Variants in SPTAN1 observed in about 807,000 individuals in gnomAD.
SPTAN1 encodes spectrin alpha, non-erythrocytic 1, also known as spectrin alpha chain, non-erythrocytic 1.
In SPTAN1, 61 loss-of-function variants were observed where a neutral mutation model predicts 331.3. The observed-to-expected ratio is 0.18, with a 90% CI of 0.15 to 0.23. The LOEUF (loss-of-function observed/expected upper bound fraction) is 0.23. Ranked by LOEUF, SPTAN1 falls within the 10% of genes least tolerant of loss-of-function variation. SPTAN1 has a pLI of 1.00. For synonymous variants in SPTAN1, 1,153 were observed against 1,173.9 expected, an observed-to-expected ratio of 0.98 and a Z score of 0.36; for missense variants, 2,043 against 3,147.9, an observed-to-expected ratio of 0.65 and a Z score of 8.40.
chr9:128,630,234 G>C lies in SPTAN1; in HGVS notation c.6708-87G>C, dbSNP rs371874064. On this transcript the variant is annotated intron_variant, in intron 51 of 56. Transcript: ENST00000372739. The stretch of plus-strand genomic sequence containing the variant: ...CCTTAAAAGGAATGTGAGGTTGCCA[G>C]GCATTGCTCTCTCTGAGAGAAGGTT... 2.8e-6 allele frequency: 4 copies of C among 1,425,918 alleles called. No homozygotes were observed. In the East Asian group the frequency reaches 6.8e-5, roughly 24 times the overall value. The allele number at this position is 1,425,918 out of a possible 1,614,324, so 88.3% of individuals were successfully genotyped here. A position where few individuals can be genotyped will look rare whatever the true frequency, so the allele number is the denominator to read the frequency against.
At chr9:128,601,556 T>C (rs1855155609) in intron 27 of SPTAN1, among the ~76,000 whole-genome samples, 1 of 144,396 alleles carries the variant, frequency 6.9e-6, no homozygotes, top group African/African-American at 2.6e-5. Context: ...ACCCCGGCTC[T>C]ACAAATAAAA....
chr9:128,591,397 TGTGTGTATACAC>T, intron 21 of SPTAN1, 68 bp from the exon 22 acceptor site: 1 of 1,584,940 alleles, frequency 6.3e-7, no homozygotes, highest in Non-Finnish European at 8.7e-7. Context: ...CGCTCTCGTG[TGTGTGTATACAC>T]GTGACCTCCT....
chr9:128,615,929 G>T, intron 41 of SPTAN1, 89 bp downstream of exon 41: 1 of 1,425,940 alleles, frequency 7.0e-7, no homozygotes, highest in Non-Finnish European at 9.8e-7. Context: ...GGTGAGGCTG[G>T]AAACCCTGCT....
intron 49 of SPTAN1, 174 bp downstream of exon 49, chr9:128,626,861 C>A: frequency 1.3e-6 from 1 of 761,416 alleles, no homozygotes; most frequent in Non-Finnish European, 2.2e-6. Flanking sequence ...GTCACCCAGG[C>A]TTCAGTGCAG....
intron 1 of SPTAN1, among the ~76,000 whole-genome samples, chr9:128,563,929 C>T (rs1052557539): frequency 2.6e-5 from 4 of 151,920 alleles, no homozygotes; most frequent in South Asian, 4.1e-4. Context: ...TGAGCCATGG[C>T]GCCCGGCCTA....
At chr9:128,609,503 TA>T in intron 36 of SPTAN1, 147 bp from the exon 37 acceptor site, 1 of 948,848 alleles carries the variant, frequency 1.1e-6, no homozygotes, top group Non-Finnish European at 1.6e-6. Context: ...TCTGCTGTAA[TA>T]AAAGTCTATA....
chr9:128,604,174 A>G, intron 28 of SPTAN1, 152 bp from the exon 29 acceptor site: 1 of 840,818 alleles, frequency 1.2e-6, no homozygotes, highest in Non-Finnish European at 2.0e-6. Flanking sequence ...TTACTGGAAT[A>G]TTGTATACTA....
Position 128,602,317 on chromosome 9 carries a change from A to G in SPTAN1, c.3580-1226A>G, listed in dbSNP as rs536386915. ...CTGCAACCTCTGCCTCCTGGGTTCA[A>G]GCAATTCTCCCACCTCAGCCTCCCG... is the stretch of plus-strand genomic sequence containing the variant. On this transcript the variant is annotated intron_variant, in intron 27 of 56. Transcript: ENST00000372739. Among the ~76,000 whole-genome samples the G allele has an allele frequency of 5.3e-5, 8 of 151,478 alleles. No homozygotes were observed. The East Asian group carries it at 1.6e-3, about 29-fold the overall frequency.
chr9:128,599,050 TC>T (rs1854697654), intron 26 of SPTAN1, 64 bp downstream of exon 26: 1 of 1,508,868 alleles, frequency 6.6e-7, no homozygotes, highest in Non-Finnish European at 9.2e-7. Flanking sequence ...GGGAAGAATA[TC>T]AAGCCAAGAA....
intron 44 of SPTAN1, 89 bp downstream of exon 44, chr9:128,619,092 T>C: frequency 1.3e-6 from 2 of 1,538,150 alleles, no homozygotes; most frequent in Non-Finnish European, 1.8e-6. Context: ...TAGAGGGCCC[T>C]GCTCTTACTA....
At chr9:128,585,035 G>C (rs1180263920) in intron 18 of SPTAN1, among the ~76,000 whole-genome samples, 192 bp downstream of exon 18, 1 of 133,628 alleles carries the variant, frequency 7.5e-6, no homozygotes, top group Non-Finnish European at 1.5e-5. Flanking sequence ...TTTTTTTTGA[G>C]ACGGGGTCTC....
chr9:128,584,116 C>A, intron 16 of SPTAN1, 147 bp downstream of exon 16: 1 of 1,441,826 alleles, frequency 6.9e-7, no homozygotes, highest in Non-Finnish European at 9.6e-7. Flanking sequence ...TGTGCTTCTG[C>A]TCAAATTAAA....
In SPTAN1 at chr9:128,575,358, G is replaced by A. The variant is rs200409897; in HGVS notation, c.651+13G>A. ...CAAACTCATACAGGTAAATAGCAAA[G>A]TGCTGTATGCTTCTCACAACATTAT... On this transcript the variant is annotated intron_variant, in intron 5 of 56. Coordinates refer to ENST00000372739, the MANE Select transcript of SPTAN1 (RefSeq NM_001130438.3). 113 of 1,608,904 alleles carry A rather than the reference G, an allele frequency of 7.0e-5. No homozygotes were observed. The highest frequency in any genetic ancestry group is 9.3e-5 in the Non-Finnish European group (110 of 1,179,878).
chr9:128,597,712 G>A (rs1348930278), intron 24 of SPTAN1, among the ~76,000 whole-genome samples: 2 of 152,162 alleles, frequency 1.3e-5, no homozygotes, highest in Non-Finnish European at 2.9e-5. Flanking sequence ...GCAGTGGCAC[G>A]ATTTTGGCTC....
Position 128,577,398 on chromosome 9 carries a change from C to T in SPTAN1, c.977C>T (p.Pro326Leu), listed in dbSNP as rs768104125. The T allele has an allele frequency of 2.5e-6, 4 of 1,614,200 alleles. No individual in the cohort carries two copies. Among genetic ancestry groups the T allele is most frequent in the Non-Finnish European group, 3.4e-6 (4 of 1,180,028 alleles). Residue 326 changes from proline (P) to leucine (L), a missense_variant, in exon 8 of 57, where the codon CCT becomes CTT. Around this residue, in one of 12 missense-constraint regions of SPTAN1, gnomAD observed 1,038 missense variants for 1,531.5 expected, o/e 0.68. Transcript: ENST00000372739. This position sits in a 1 kb window ranked among gnomAD's most constrained non-coding sequence, Gnocchi z 4.2. ...AEADRLQQSHPLSATQIQVKR... is the reference protein window; with the variant it reads ...AEADRLQQSHLLSATQIQVKR... ...GCTGACCGCCTGCAACAGTCCCACC[C>T]TCTGAGTGCAACACAGATTCAAGTG...
At chr9:128,609,588 A>G (rs908289143) in intron 36 of SPTAN1, 63 bp from the exon 37 acceptor site, 5 of 1,361,384 alleles carry the variant, frequency 3.7e-6, no homozygotes, top group Non-Finnish European at 5.0e-6. Flanking sequence ...TTTCTATTTA[A>G]TAGCTGATAT....
Position 128,632,577 on chromosome 9 carries a change from T to A in SPTAN1, c.7019T>A (p.Phe2340Tyr). Reference protein sequence around the residue: ...LKEFSMMFKHFDKDKSGRLNH... With the variant: ...LKEFSMMFKHYDKDKSGRLNH... Reference sequence around the variant, plus strand: ...CCCTCGGCTTTGTGCTGCAGACACTTTGACAAGGACAAGTCTGGCAGGCTG... The same window carrying A: ...CCCTCGGCTTTGTGCTGCAGACACTATGACAAGGACAAGTCTGGCAGGCTG... Residue 2340 changes from phenylalanine (F) to tyrosine (Y), a missense_variant, in exon 55 of 57, where the codon TTT becomes TAT. By Grantham distance (22) the Phe-to-Tyr change is conservative. Coordinates refer to ENST00000372739, the MANE Select transcript of SPTAN1 (RefSeq NM_001130438.3). The A allele has an allele frequency of 6.2e-7, 1 of 1,614,088 alleles. No homozygotes were observed. The highest frequency in any genetic ancestry group is 8.5e-7 in the Non-Finnish European group (1 of 1,180,040).
In SPTAN1 at chr9:128,587,689, G is replaced by A; in HGVS notation, c.2862G>A (p.Gln954=). ...TCCAGGCTTTGCGAGAACAAGCACA[G>A]TCCTGCCGGGTAAACTTGTAACAGT... The part of the protein sequence containing the change: ...SSIQALREQA[Q]SCRQQVAPTD... The change falls in exon 20 of 57, where the codon CAG becomes CAA. Residue 954 remains glutamine, a synonymous_variant. Transcript: ENST00000372739. 1 of 1,614,052 alleles carries A rather than the reference G, an allele frequency of 6.2e-7. No individual in the cohort carries two copies. Among genetic ancestry groups the A allele is most frequent in the Non-Finnish European group, 8.5e-7 (1 of 1,179,968 alleles).
chr9:128,562,004 G>A (rs1464213006), intron 1 of SPTAN1, among the ~76,000 whole-genome samples: 5 of 152,152 alleles, frequency 3.3e-5, no homozygotes, highest in Non-Finnish European at 7.4e-5. Flanking sequence ...GCAGAATGTG[G>A]CAGTGTTATA....
Sources: gnomAD v4.1 joint callset for allele counts (sites outside exome capture counted in the v4.1 genomes callset) on GRCh38, gnomAD v4.1.1 for gene constraint, gnomAD v4.1.1 regional missense constraint, Gnocchi (gnomAD v3.1) non-coding constraint, MANE v1.5 for transcripts, NCBI Gene and HGNC (gene_info 2026-07-23, HGNC 2026-07-21) for gene names.